Variants in TENM4 observed in about 807,000 individuals in gnomAD.
TENM4 encodes the protein teneurin transmembrane protein 4.
A neutral mutation model predicts 243.3 loss-of-function variants in TENM4; 82 were observed. The observed-to-expected ratio is 0.34, with a 90% CI of 0.28 to 0.40. The LOEUF (loss-of-function observed/expected upper bound fraction) is 0.40, where lower values mean the gene tolerates loss of function less well. TENM4 is among the 10% of genes least tolerant of loss of function. The pLI, the probability that TENM4 is intolerant of heterozygous loss-of-function variation, is 1.00. For missense variants in TENM4, 3,138 were observed against 3,673.3 expected (o/e 0.85, Z 3.77); for synonymous variants, 1,412 against 1,456.3 (o/e 0.97, Z 0.69).
intron 1 of TENM4, among the ~76,000 whole-genome samples, chr11:79,366,176 C>T (rs1263699378): frequency 1.3e-5 from 2 of 152,210 alleles, no homozygotes; most frequent in Non-Finnish European, 2.9e-5. Flanking sequence ...TTATCCCCAG[C>T]TCTGATGCTG....
At chr11:79,090,499 G>A (rs747976642) in intron 4 of TENM4, among the ~76,000 whole-genome samples, 20 of 152,180 alleles carry the variant, frequency 1.3e-4, no homozygotes, top group Non-Finnish European at 2.6e-4. Context: ...GCTTGCATCT[G>A]GCAACTCATT....
intron 3 of TENM4, among the ~76,000 whole-genome samples, chr11:79,163,853 TATACACAC>T (rs1461312519): frequency 2.1e-5 from 3 of 145,588 alleles, no homozygotes; most frequent in African/African-American, 7.5e-5. Context: ...TATATACATA[TATACACAC>T]ATATATACAC....
chr11:78,711,897 T>C (rs1859405963), intron 26 of TENM4, among the ~76,000 whole-genome samples: 1 of 152,170 alleles, frequency 6.6e-6, no homozygotes, highest in Admixed American at 6.5e-5. Context: ...CAAACTTATC[T>C]ATGCAACCAC....
intron 1 of TENM4, among the ~76,000 whole-genome samples, chr11:79,431,080 A>G (rs887967892): frequency 2.6e-5 from 4 of 152,208 alleles, no homozygotes; most frequent in Admixed American, 6.5e-5. Context: ...ATAAAACACA[A>G]AACTTAATAA....
At chr11:79,315,786 A>G (rs775480321) in intron 1 of TENM4, among the ~76,000 whole-genome samples, 4 of 152,270 alleles carry the variant, frequency 2.6e-5, no homozygotes, top group Admixed American at 6.5e-5. Flanking sequence ...ATTAACTTAG[A>G]ACATCCAAAA....
intron 6 of TENM4, among the ~76,000 whole-genome samples, chr11:79,061,151 T>C (rs1313473310): frequency 6.6e-6 from 1 of 152,118 alleles, no homozygotes; most frequent in Admixed American, 6.5e-5. Flanking sequence ...CCGCTATAAG[T>C]TGGGGAGATA....
In TENM4 at chr11:79,035,428, T is replaced by C. The variant is rs569075219; in HGVS notation, c.493+29310A>G. 1.3e-5 allele frequency among the ~76,000 whole-genome samples: 2 copies of C among 152,314 alleles called. 1 individual carries two copies. The highest frequency in any genetic ancestry group is 4.1e-4 in the South Asian group (2 of 4,824). ...GTCACTCTGCTGTGCCTGTGGTAAC[T>C]TATGTCTCTTCATCCTGCCTTTGTC... is the stretch of plus-strand genomic sequence containing the variant. On this transcript the variant is annotated intron_variant, in intron 6 of 33. Transcript: ENST00000278550.
intron 6 of TENM4, among the ~76,000 whole-genome samples, chr11:79,013,878 C>A (rs895134671): frequency 1.3e-5 from 2 of 152,184 alleles, no homozygotes; most frequent in Non-Finnish European, 2.9e-5. Flanking sequence ...CCTCAGAGAT[C>A]CAGCTGAGTC....
rs1369936747 is a variant in TENM4 at position 78,732,493 on chromosome 11, C to A, written c.2961G>T (p.Trp987Cys). 6.2e-7 allele frequency: 1 copy of A among 1,613,632 alleles called. No individual in the cohort carries two copies. The highest frequency in any genetic ancestry group is 2.2e-5 in the East Asian group (1 of 44,864). ...TGACAAAGAAGCGATCCCATGGCAGCCACAGGGTGTGCTCCTGTGTGATGA... is the reference window on the plus strand; with the variant it reads ...TGACAAAGAAGCGATCCCATGGCAGACACAGGGTGTGCTCCTGTGTGATGA... ...APFITQEHTL[W>C]LPWDRFFVME... The change falls in exon 21 of 34, where the codon TGG becomes TGT. Residue 987 changes from tryptophan to cysteine, a missense_variant. By Grantham distance (215) the Trp-to-Cys change is radical. Around this residue, in one of 2 missense-constraint regions of TENM4, gnomAD observed 2,467 missense variants for 3,059.1 expected, o/e 0.81. Transcript: ENST00000278550.
intron 3 of TENM4, among the ~76,000 whole-genome samples, chr11:79,161,657 C>T (rs528527438): frequency 2.0e-5 from 3 of 152,300 alleles, no homozygotes; most frequent in Admixed American, 6.5e-5. Context: ...GGAGCCACTT[C>T]GCCAATACCT....
intron 18 of TENM4, among the ~76,000 whole-genome samples, chr11:78,767,239 G>A (rs552263701): frequency 7.2e-5 from 11 of 152,276 alleles, no homozygotes; most frequent in African/African-American, 2.4e-4. Context: ...TGACTTCTGC[G>A]AAATAATCGC....
In TENM4 at chr11:78,903,382, C is replaced by T; in HGVS notation, c.635G>A (p.Ser212Asn). 6.5e-7 allele frequency: 1 copy of T among 1,530,896 alleles called. No individual in the cohort carries two copies. Among genetic ancestry groups the T allele is most frequent in the African/African-American group, 1.4e-5 (1 of 71,758 alleles). The allele number at this position is 1,530,896 out of a possible 1,614,324, so 94.8% of individuals were successfully genotyped here. The change falls in exon 7 of 34, where the codon AGC becomes AAC. Residue 212 changes from serine to asparagine, a missense_variant. This residue lies in a region of TENM4 where 671 missense variants were observed against 614.1 expected (regional missense o/e 1.09). Coordinates refer to ENST00000278550, the MANE Select transcript of TENM4 (RefSeq NM_001098816.3). ...RGNFTPRSNP[S>N]PAPTDHSLSG... ...GAGCGAGTGGTCCGTGGGGGCCGGG[C>T]TGGGGTTGCTCCTCGGCGTGAAGTT...
chr11:79,378,233 G>T (rs1380929216), intron 1 of TENM4, among the ~76,000 whole-genome samples: 1 of 152,318 alleles, frequency 6.6e-6, no homozygotes, highest in Non-Finnish European at 1.5e-5. Flanking sequence ...GGGCACTGGA[G>T]ACCTGTCGCC....
intron 6 of TENM4, among the ~76,000 whole-genome samples, chr11:79,063,726 G>A (rs535036748): frequency 3.3e-5 from 5 of 152,304 alleles, no homozygotes; most frequent in African/African-American, 4.8e-5. Context: ...GGTCCCAAGG[G>A]AGAAAGAGGA....
At chr11:78,882,323 T>C (rs1488252082) in intron 9 of TENM4, among the ~76,000 whole-genome samples, 1 of 152,258 alleles carries the variant, frequency 6.6e-6, no homozygotes, top group Non-Finnish European at 1.5e-5. Flanking sequence ...ATTTCACCTG[T>C]ATCTTAGCCC....
intron 12 of TENM4, among the ~76,000 whole-genome samples, chr11:78,840,566 A>G (rs765596529): frequency 2.4e-4 from 37 of 152,170 alleles, no homozygotes; most frequent in Non-Finnish European, 4.9e-4. Flanking sequence ...GCAGCAAGAA[A>G]CCAGCCCTAA....
Position 79,104,746 on chromosome 11 carries a change from A to T in TENM4, c.-65-34737T>A, listed in dbSNP as rs75200386. Among the ~76,000 whole-genome samples, 268 of 152,312 alleles carry T rather than the reference A, an allele frequency of 1.8e-3. 7 individuals are homozygous for T. In the East Asian group the frequency reaches 0.03, roughly 17 times the overall value. On this transcript the variant is annotated intron_variant, in intron 4 of 33. Transcript: ENST00000278550. ...TTATTAGTGGGTCAAAGAGTATGTG[A>T]TATTACTAGGCTTTGGCTAAGTAGT...
chr11:79,137,620 G>A (rs1045330962), intron 4 of TENM4, among the ~76,000 whole-genome samples: 3 of 151,834 alleles, frequency 2.0e-5, no homozygotes, highest in African/African-American at 7.3e-5. Flanking sequence ...ATTGTTGTAA[G>A]TATTTCCTCT....
intron 3 of TENM4, among the ~76,000 whole-genome samples, chr11:79,212,471 T>C (rs1863972316): frequency 6.6e-6 from 1 of 152,232 alleles, no homozygotes. Flanking sequence ...TTTTATTAAA[T>C]GTTCTTGGAC....
Sources: gnomAD v4.1 joint callset for allele counts (sites outside exome capture counted in the v4.1 genomes callset) on GRCh38, gnomAD v4.1.1 for gene constraint, gnomAD v4.1.1 regional missense constraint, MANE v1.5 for transcripts, NCBI Gene and HGNC (gene_info 2026-07-23, HGNC 2026-07-21) for gene names.